Variants in SORCS1 observed in about 807,000 individuals in gnomAD.
The protein encoded by SORCS1 is VPS10 domain-containing receptor SorCS1.
SORCS1 carries 60 observed loss-of-function variants against 146.1 expected under a neutral mutation model. The ratio of observed to expected loss-of-function variants is 0.41; its 90% confidence interval spans 0.33 to 0.51. The LOEUF (loss-of-function observed/expected upper bound fraction) is 0.51, where lower values mean the gene tolerates loss of function less well. Ranked by LOEUF, SORCS1 falls within the 20% of genes least tolerant of loss-of-function variation. The pLI is 0.21. For synonymous variants in SORCS1, 637 were observed against 584.0 expected, an observed-to-expected ratio of 1.09 and a Z score of -1.31; for missense variants, 1,352 against 1,487.6, an observed-to-expected ratio of 0.91 and a Z score of 1.50.
intron 19 of SORCS1, among the ~76,000 whole-genome samples, chr10:106,627,689 C>A (rs1159063768): frequency 6.6e-6 from 1 of 152,156 alleles, no homozygotes. Context: ...GAGTACTGAA[C>A]TATGTAGTTG....
intron 1 of SORCS1, among the ~76,000 whole-genome samples, chr10:107,125,197 C>A (rs1026662738): frequency 1.3e-5 from 2 of 152,038 alleles, no homozygotes; most frequent in African/African-American, 2.4e-5. Context: ...ATAATCTGCA[C>A]GCCTTGGCCT....
intron 5 of SORCS1, among the ~76,000 whole-genome samples, chr10:106,750,728 CAAAAAAAAA>C (rs572295853): frequency 1.1e-3 from 26 of 24,024 alleles, no homozygotes; most frequent in African/African-American, 2.3e-3. Context: ...GACTCCCTCT[CAAAAAAAAA>C]AAAAAAAAAA....
Position 106,823,044 on chromosome 10 carries a change from A to G in SORCS1, c.726+6530T>C, listed in dbSNP as rs558473738. Among the ~76,000 whole-genome samples, 29 of 152,210 alleles carry G rather than the reference A, an allele frequency of 1.9e-4. 1 individual carries two copies. The highest frequency in any genetic ancestry group is 7.0e-4 in the African/African-American group (29 of 41,512). ...GTGATCCACCCACCTCGGCCTCTCA[A>G]AGTGGTGGGATTACAGGTGTAAGCC... On this transcript the variant is annotated intron_variant, in intron 3 of 25. Transcript: ENST00000263054.
chr10:106,640,466 GATTTA>G (rs1849004714), intron 18 of SORCS1, among the ~76,000 whole-genome samples: 1 of 152,178 alleles, frequency 6.6e-6, no homozygotes, highest in South Asian at 2.1e-4. Flanking sequence ...CCTAGCCTCA[GATTTA>G]ATTTAAAAGT....
intron 17 of SORCS1, among the ~76,000 whole-genome samples, chr10:106,664,660 A>G (rs1732853280): frequency 6.6e-6 from 1 of 152,136 alleles, no homozygotes; most frequent in Non-Finnish European, 1.5e-5. Flanking sequence ...AGAGGAAAAA[A>G]AAGATCTCAA....
At chr10:106,791,464 G>A (rs1215294352) in intron 3 of SORCS1, among the ~76,000 whole-genome samples, 6 of 152,188 alleles carry the variant, frequency 3.9e-5, no homozygotes, top group Non-Finnish European at 8.8e-5. Context: ...TTGGGAGGCC[G>A]AGGCGGGCAG....
In SORCS1 at chr10:106,751,058, CAAAAAAAAAAAAAAAAAAAAA is replaced by C. The variant is rs35691571; in HGVS notation, c.959+10509_959+10529del. Among the ~76,000 whole-genome samples the C allele has an allele frequency of 5.7e-3, 129 of 22,444 alleles. 6 individuals are homozygous for C. The South Asian group carries it at 0.17, about 30-fold the overall frequency. 14.7% of individuals were successfully genotyped at this position (22,444 alleles called of 152,430 possible). ...TGGGCGACAGGGTGAGACTCCGTCT[CAAAAAAAAAAAAAAAAAAAAA>C]AAAAAAAAAAAAAAATGCGGAGGAG... is the stretch of plus-strand genomic sequence containing the variant. On this transcript the variant is annotated intron_variant, in intron 5 of 25. Transcript: ENST00000263054.
intron 1 of SORCS1, among the ~76,000 whole-genome samples, chr10:107,131,228 G>T (rs191843583): frequency 1.3e-5 from 2 of 152,080 alleles, no homozygotes; most frequent in Non-Finnish European, 2.9e-5. Flanking sequence ...ATTATTATTG[G>T]CATGTCCTCT....
chr10:107,081,721 A>G (rs893546184), intron 1 of SORCS1, among the ~76,000 whole-genome samples: 1 of 152,246 alleles, frequency 6.6e-6, no homozygotes, highest in Non-Finnish European at 1.5e-5. Context: ...AGAAAAAAGA[A>G]TAAGGAAGTA....
chr10:107,075,676 T>C (rs1962816863), intron 1 of SORCS1, among the ~76,000 whole-genome samples: 1 of 152,144 alleles, frequency 6.6e-6, no homozygotes, highest in Admixed American at 6.5e-5. Context: ...TCTAAATTTG[T>C]ACCTTTCAAT....
chr10:107,152,849 C>A (rs901130794), intron 1 of SORCS1, among the ~76,000 whole-genome samples: 1 of 152,134 alleles, frequency 6.6e-6, no homozygotes, highest in Non-Finnish European at 1.5e-5. Flanking sequence ...TTCATCTCTT[C>A]CTCTCTTTTT....
intron 1 of SORCS1, among the ~76,000 whole-genome samples, chr10:107,032,796 C>T (rs1297135628): frequency 6.6e-6 from 1 of 152,024 alleles, no homozygotes; most frequent in African/African-American, 2.4e-5. Flanking sequence ...AATTAAGGCT[C>T]CTTCCCACCC....
Position 106,956,510 on chromosome 10 carries a change from T to G in SORCS1, c.626+3A>C. ...TAATTATTAGCTCCATTTATCTACA[T>G]ACCTCCAAAGCGAGCTCTCTGTGAT... is the stretch of plus-strand genomic sequence containing the variant. On this transcript the variant is annotated splice_donor_region_variant and intron_variant, in intron 2 of 25. Coordinates refer to ENST00000263054, the MANE Select transcript of SORCS1 (RefSeq NM_052918.5). The G allele has an allele frequency of 1.2e-6, 2 of 1,613,580 alleles. No homozygotes were observed.
chr10:107,002,782 A>G (rs1187245331), intron 1 of SORCS1, among the ~76,000 whole-genome samples: 1 of 152,126 alleles, frequency 6.6e-6, no homozygotes, highest in Non-Finnish European at 1.5e-5. Context: ...TTTAAAACCT[A>G]GAGGAAATAA....
In SORCS1 at chr10:107,054,938, A is replaced by G. The variant is rs1019948341; in HGVS notation, c.559-98358T>C. ...AGCCCTCATCAATACGACATGCCTA[A>G]TAAGTGTTGGCCACTCTTATTAGAA... On this transcript the variant is annotated intron_variant, in intron 1 of 25. Transcript: ENST00000263054. 3.3e-5 allele frequency among the ~76,000 whole-genome samples: 5 copies of G among 152,322 alleles called. No homozygotes were observed. The East Asian group carries it at 7.7e-4, about 23-fold the overall frequency.
chr10:107,083,553 C>A (rs780821430), intron 1 of SORCS1, among the ~76,000 whole-genome samples: 24 of 152,154 alleles, frequency 1.6e-4, no homozygotes, highest in African/African-American at 5.8e-4. Flanking sequence ...TTTTTCTTAT[C>A]TTTACAAGGC....
rs183044991 is a variant in SORCS1 at position 106,600,087 on chromosome 10, G to A, written c.3166-2637C>T. The stretch of plus-strand genomic sequence containing the variant: ...TTACAGGTGTGAGCCACTGTGCCTG[G>A]CCGCAATATTTGTTTCTTATCACTG... On this transcript the variant is annotated intron_variant, in intron 23 of 25. Coordinates refer to ENST00000263054, the MANE Select transcript of SORCS1 (RefSeq NM_052918.5). Among the ~76,000 whole-genome samples the A allele has an allele frequency of 2.6e-5, 4 of 152,272 alleles. No individual in the cohort carries two copies. In the East Asian group the frequency reaches 7.7e-4, roughly 29 times the overall value.
chr10:107,022,021 G>C (rs1342402903), intron 1 of SORCS1, among the ~76,000 whole-genome samples: 1 of 152,030 alleles, frequency 6.6e-6, no homozygotes, highest in East Asian at 1.9e-4. Context: ...CTCCAATATT[G>C]AGCAATTAAC....
At chr10:106,976,749 T>C (rs113035894) in intron 1 of SORCS1, among the ~76,000 whole-genome samples, 80 of 152,318 alleles carry the variant, frequency 5.3e-4, no homozygotes, top group African/African-American at 1.9e-3. Flanking sequence ...TGTGTCTATG[T>C]GTTCTCTTTG....
Sources: allele counts gnomAD v4.1 joint callset (sites outside exome capture counted in the v4.1 genomes callset), GRCh38; gene constraint gnomAD v4.1.1; transcripts MANE v1.5; gene names NCBI Gene and HGNC (gene_info 2026-07-23, HGNC 2026-07-21).